ADCY9: variants seen among roughly 807,000 people sequenced by gnomAD.
ADCY9 encodes adenylate cyclase 9, also known as adenylate cyclase type 9.
In ADCY9, 50 loss-of-function variants were observed where a neutral mutation model predicts 101.5. That is an observed-to-expected ratio of 0.49 (90% CI 0.39 to 0.62). The LOEUF is 0.62. Among genes scored for constraint, ADCY9 ranks in the 20% least tolerant of loss-of-function variants. The pLI, the probability that ADCY9 is intolerant of heterozygous loss-of-function variation, is 0.00. For missense variants in ADCY9, 1,662 were observed against 1,800.4 expected, an observed-to-expected ratio of 0.92 and a Z score of 1.39; for synonymous variants, 905 against 769.3, an observed-to-expected ratio of 1.18 and a Z score of -2.92.
rs374305565 is a variant in ADCY9, at chr16:3,966,463, G to A, written c.3374C>T (p.Ala1125Val). 8.1e-6 allele frequency: 13 copies of A among 1,613,982 alleles called. No individual in the cohort carries two copies. The highest frequency in any genetic ancestry group is 1.0e-5 in the Non-Finnish European group (12 of 1,180,046). ...CTCCTGCGGGTGGCTGCCGTCCTGG[G>A]CCTGCGCGGTGTTCAGCCCTGACGC... ...MAASGLNTAQ[A>V]QDGSHPQEHL... Residue 1125 changes from alanine (A) to valine (V), a missense_variant, in exon 11 of 11, where the codon GCC becomes GTC. Physicochemically the swap from Ala to Val is moderately conservative, Grantham distance 64. This residue lies in a region of ADCY9 where 220 missense variants were observed against 312.9 expected (regional missense o/e 0.70). Coordinates refer to ENST00000294016, the MANE Select transcript of ADCY9 (RefSeq NM_001116.4).
chr16:4,046,042 G>T (rs991951146), intron 2 of ADCY9, among the ~76,000 whole-genome samples: 2 of 151,710 alleles, frequency 1.3e-5, no homozygotes, highest in Non-Finnish European at 1.5e-5. Flanking sequence ...TAGAGTTGGG[G>T]GTCTTCCTAT....
At chr16:4,084,180 C>T (rs1178363548) in intron 2 of ADCY9, among the ~76,000 whole-genome samples, 3 of 152,064 alleles carry the variant, frequency 2.0e-5, no homozygotes, top group East Asian at 1.9e-4. Flanking sequence ...GGCACAATCT[C>T]GGCTCACAGC....
Position 4,052,558 on chromosome 16 carries a change from C to A in ADCY9, c.1694-45000G>T, listed in dbSNP as rs536246227. 1.8e-4 allele frequency among the ~76,000 whole-genome samples: 28 copies of A among 152,282 alleles called. 2 individuals are homozygous for A. Among genetic ancestry groups the A allele is most frequent in the African/African-American group, 6.3e-4 (26 of 41,562 alleles). On this transcript the variant is annotated intron_variant, in intron 2 of 10. Coordinates refer to ENST00000294016, the MANE Select transcript of ADCY9 (RefSeq NM_001116.4). ...AATTCTTTATACTGTTTGGGAGCAT[C>A]TCTGTAAATTTAAACTTACTTCAAA... is the stretch of plus-strand genomic sequence containing the variant.
chr16:4,026,573 A>G (rs1427951486), intron 2 of ADCY9, among the ~76,000 whole-genome samples: 1 of 152,220 alleles, frequency 6.6e-6, no homozygotes, highest in South Asian at 2.1e-4. Flanking sequence ...CATAATTGCC[A>G]AAACCTGGAA....
chr16:4,081,729 C>A (rs775445605), intron 2 of ADCY9, among the ~76,000 whole-genome samples: 1 of 123,806 alleles, frequency 8.1e-6, no homozygotes, highest in Admixed American at 8.4e-5. Context: ...TCTGCAGGGG[C>A]GTGTGGGTAA....
At chr16:4,076,741 G>T (rs1012201941) in intron 2 of ADCY9, among the ~76,000 whole-genome samples, 5 of 152,084 alleles carry the variant, frequency 3.3e-5, no homozygotes, top group African/African-American at 1.2e-4. Flanking sequence ...TTTAGACAAG[G>T]TCTTGCTCTG....
chr16:3,974,827 C>G, intron 9 of ADCY9, 117 bp from the exon 10 acceptor site: 1 of 763,382 alleles, frequency 1.3e-6, no homozygotes, highest in Non-Finnish European at 2.3e-6. Flanking sequence ...TGTACATCCA[C>G]ATAAAGCCAC....
chr16:4,027,581 A>C (rs1488561986), intron 2 of ADCY9, among the ~76,000 whole-genome samples: 1 of 152,148 alleles, frequency 6.6e-6, no homozygotes, highest in African/African-American at 2.4e-5. Flanking sequence ...TCCTCTTTAT[A>C]AAACCATCAG....
intron 2 of ADCY9, among the ~76,000 whole-genome samples, chr16:4,049,646 T>C (rs1236119511): frequency 1.3e-5 from 2 of 152,020 alleles, no homozygotes; most frequent in Non-Finnish European, 2.9e-5. Flanking sequence ...GAAACTCACC[T>C]CCCGCCTCCA....
In ADCY9 at chr16:3,978,561, A is replaced by C. The variant is rs371510808; in HGVS notation, c.2679+555T>G. 5.4e-4 allele frequency among the ~76,000 whole-genome samples: 82 copies of C among 152,318 alleles called. 2 individuals are homozygous for C. In the South Asian group the frequency reaches 0.013, roughly 24 times the overall value. Reference sequence around the variant, plus strand: ...ACTGATTTGGAACTTGATGAAGAAGAAGCCACACTGGCAGGGACTCGTGCC... The same window carrying C: ...ACTGATTTGGAACTTGATGAAGAAGCAGCCACACTGGCAGGGACTCGTGCC... On this transcript the variant is annotated intron_variant, in intron 8 of 10. Transcript: ENST00000294016.
At chr16:4,074,418 G>A (rs962256728) in intron 2 of ADCY9, among the ~76,000 whole-genome samples, 30 of 151,984 alleles carry the variant, frequency 2.0e-4, no homozygotes, top group African/African-American at 6.7e-4. Context: ...AATCTGGCTG[G>A]GCACAGTGGC....
chr16:4,018,970 T>TGTGTGTGTGTGTGTGTGTGTGTGTG (rs1555509543), intron 2 of ADCY9, among the ~76,000 whole-genome samples: 11 of 149,360 alleles, frequency 7.4e-5, no homozygotes, highest in African/African-American at 1.3e-4. Flanking sequence ...TGTGTGTGTG[T>TGTGTGTGTGTGTGTGTGTGTGTGTG]TTTGTTTTGT....
chr16:4,055,447 T>C (rs951174201), intron 2 of ADCY9, among the ~76,000 whole-genome samples: 4 of 151,454 alleles, frequency 2.6e-5, no homozygotes, highest in African/African-American at 7.3e-5. Context: ...GACAGGAGAA[T>C]TGCTTGAACC....
chr16:3,966,390 C>T lies in ADCY9; in HGVS notation c.3447G>A (p.Val1149=), dbSNP rs112769957. The T allele has an allele frequency of 3.1e-6, 5 of 1,614,128 alleles. No homozygotes were observed. In the South Asian group the frequency reaches 4.4e-5, roughly 14 times the overall value. ...ACAGCATGTTGTTGTTGAAGTCGTC[C>T]ACCACGCGCATCATCTCCTTGGCGA... is the stretch of plus-strand genomic sequence containing the variant. ...FEFAKEMMRV[V]DDFNNNMLWF... The change falls in exon 11 of 11, where the codon GTG becomes GTA. Residue 1149 remains valine, a synonymous_variant. Transcript: ENST00000294016.
At chr16:4,078,519 C>T (rs2056881808) in intron 2 of ADCY9, among the ~76,000 whole-genome samples, 1 of 149,252 alleles carries the variant, frequency 6.7e-6, no homozygotes. Context: ...GATCACGCCA[C>T]TGCACTCCAG....
chr16:3,965,485 C>G lies in ADCY9; in HGVS notation c.*290G>C. 4.3e-6 allele frequency: 2 copies of G among 462,942 alleles called. No homozygotes were observed. The allele number at this position is 462,942 out of a possible 1,614,324, so 28.7% of individuals were successfully genotyped here. A position where few individuals can be genotyped will look rare whatever the true frequency, so the allele number is the denominator to read the frequency against. Reference sequence around the variant, plus strand: ...CAAAGCCATGATCTCCACTGGCGGCCTCTGTCCCGAGACTCGAGGCCGAGG... The same window carrying G: ...CAAAGCCATGATCTCCACTGGCGGCGTCTGTCCCGAGACTCGAGGCCGAGG... On this transcript the variant is annotated 3_prime_UTR_variant, in exon 11 of 11. Coordinates refer to ENST00000294016, the MANE Select transcript of ADCY9 (RefSeq NM_001116.4).
intron 2 of ADCY9, among the ~76,000 whole-genome samples, chr16:4,061,043 A>G (rs2056770720): frequency 6.6e-6 from 1 of 152,242 alleles, no homozygotes; most frequent in South Asian, 2.1e-4. Flanking sequence ...AAAAGAAACC[A>G]AACAGAAATT....
intron 2 of ADCY9, among the ~76,000 whole-genome samples, chr16:4,063,172 T>A (rs1291975355): frequency 6.6e-6 from 1 of 152,154 alleles, no homozygotes; most frequent in Non-Finnish European, 1.5e-5. Context: ...ATGAAATTTT[T>A]AAAAATCAAG....
At chr16:3,979,081 G>C in intron 8 of ADCY9, 35 bp downstream of exon 8, 11 of 1,612,184 alleles carry the variant, frequency 6.8e-6, no homozygotes, top group East Asian at 2.2e-5. Flanking sequence ...GAGTCCAGGA[G>C]AGCGTGGAAA....
Sources: gnomAD v4.1 joint callset for allele counts (sites outside exome capture counted in the v4.1 genomes callset) on GRCh38, gnomAD v4.1.1 for gene constraint, gnomAD v4.1.1 regional missense constraint, MANE v1.5 for transcripts, NCBI Gene and HGNC (gene_info 2026-07-23, HGNC 2026-07-21) for gene names.